The following FHIP2A variants were observed in gnomAD, a reference collection of about 807,000 sequenced individuals.
The protein encoded by FHIP2A is family with sequence similarity 160 member B1.
A neutral mutation model predicts 93.5 loss-of-function variants in FHIP2A; 46 were observed. The ratio of observed to expected loss-of-function variants is 0.49; its 90% CI spans 0.39 to 0.63. The LOEUF (loss-of-function observed/expected upper bound fraction) is 0.63. FHIP2A is among the 20% of genes least tolerant of loss of function. FHIP2A has a pLI of 0.00. For synonymous variants in FHIP2A, 332 were observed against 326.5 expected (o/e 1.02, Z -0.18); for missense variants, 769 against 909.7 (o/e 0.85, Z 1.99).
chr10:114,847,542 G>A (rs2083709064), intron 12 of FHIP2A, among the ~76,000 whole-genome samples: 1 of 152,100 alleles, frequency 6.6e-6, no homozygotes, highest in African/African-American at 2.4e-5. Context: ...GCCCGCCTCG[G>A]CCTCCCAAAG....
In FHIP2A at chr10:114,860,666, T is replaced by TA. The variant is rs1039573696; in HGVS notation, c.1948-79dup. ...TGGGCCTGGCCAGATTCTCCTTTCTTAAAAGAACAAATTGAAATAGTAAAT... is the reference window on the plus strand; with the variant it reads ...TGGGCCTGGCCAGATTCTCCTTTCTTAAAAAGAACAAATTGAAATAGTAAAT... On this transcript the variant is annotated intron_variant, in intron 14 of 16. Transcript: ENST00000369248. 28 of 1,212,604 alleles carry TA rather than the reference T, an allele frequency of 2.3e-5. No homozygotes were observed. In the African/African-American group the frequency reaches 3.9e-4, roughly 17 times the overall value. 75.1% of individuals were successfully genotyped at this position (1,212,604 alleles called of 1,614,324 possible).
intron 16 of FHIP2A, among the ~76,000 whole-genome samples, chr10:114,875,036 T>A (rs1319419068): frequency 2.6e-5 from 4 of 152,234 alleles, no homozygotes; most frequent in African/African-American, 9.6e-5. Flanking sequence ...CAGCTGTATC[T>A]TGAAAGCTTT....
downstream of FHIP2A, among the ~76,000 whole-genome samples, chr10:114,868,862 G>T (rs2083843747): frequency 6.6e-6 from 1 of 152,158 alleles, no homozygotes; most frequent in South Asian, 2.1e-4. Flanking sequence ...TCAGTTTAGA[G>T]GATCCAAACA....
At chr10:114,875,618 C>T (rs4277024) in intron 16 of FHIP2A, among the ~76,000 whole-genome samples, 14,511 of 151,936 alleles carry the variant, frequency 0.096, 869 homozygotes, top group East Asian at 0.21. Context: ...ATGGTGTGAA[C>T]CCAGGAGCGG....
chr10:114,832,294 A>G (rs542689435), intron 2 of FHIP2A, among the ~76,000 whole-genome samples: 1 of 152,286 alleles, frequency 6.6e-6, no homozygotes, highest in Non-Finnish European at 1.5e-5. Context: ...CAACTTTGAA[A>G]AACAGATTTT....
In FHIP2A at chr10:114,899,246, G is replaced by A. The variant is rs141071625; in HGVS notation, c.2193-244G>A. ...TGTTGCATAGCAATACATTATGGAT[G>A]CAAGTATAACTGAAACACTAACTGA... is the stretch of plus-strand genomic sequence containing the variant. On this transcript the variant is annotated intron_variant, in intron 16 of 16. Coordinates refer to the FHIP2A transcript ENST00000369250. Among the ~76,000 whole-genome samples, 48 of 152,328 alleles carry A rather than the reference G, an allele frequency of 3.2e-4. No homozygotes were observed. The East Asian group carries it at 9.1e-3, about 29-fold the overall frequency.
intron 14 of FHIP2A, among the ~76,000 whole-genome samples, chr10:114,856,541 A>C (rs2083768248): frequency 6.6e-6 from 1 of 152,212 alleles, no homozygotes; most frequent in Non-Finnish European, 1.5e-5. Context: ...GATTAAGCTA[A>C]CAAGCAAGAG....
intron 1 of FHIP2A, 80 bp downstream of exon 1, chr10:114,822,203 GGGCGGCCTTGGCCCGGCCCTC>G (rs1185547918): frequency 2.5e-5 from 23 of 933,770 alleles, no homozygotes; most frequent in Admixed American, 4.9e-5. Flanking sequence ...GGGACAAGCC[GGGCGGCCTTGGCCCGGCCCTC>G]GGCGGCCCTG....
rs190391596 is a variant in FHIP2A at position 114,888,544 on chromosome 10, G to A, written c.2193-10946G>A. Among the ~76,000 whole-genome samples the A allele has an allele frequency of 3.9e-5, 6 of 152,280 alleles. No individual in the cohort carries two copies. In the East Asian group the frequency reaches 5.8e-4, roughly 15 times the overall value. ...TAAGATACCGTTCAAGGTAGAGAGC[G>A]GTGAAGAAGCTTAAGTAAGCACCTC... On this transcript the variant is annotated intron_variant, in intron 16 of 16. Coordinates refer to the FHIP2A transcript ENST00000369250.
intron 2 of FHIP2A, 146 bp from the exon 3 acceptor site, chr10:114,833,087 A>G: frequency 1.6e-6 from 1 of 612,538 alleles, no homozygotes; most frequent in Non-Finnish European, 2.8e-6. Context: ...AGCAGAGATA[A>G]TCATACTGTG....
intron 14 of FHIP2A, among the ~76,000 whole-genome samples, chr10:114,857,895 A>G (rs1390451434): frequency 2.4e-4 from 36 of 152,224 alleles, no homozygotes; most frequent in Admixed American, 2.4e-3. Context: ...ACTAAAGCCC[A>G]TAGCAGAATG....
chr10:114,844,134 G>A (rs1037422574), intron 7 of FHIP2A, among the ~76,000 whole-genome samples, 197 bp downstream of exon 7: 26 of 152,194 alleles, frequency 1.7e-4, no homozygotes, highest in African/African-American at 6.3e-4. Context: ...CTGTTACATA[G>A]TTAAGATATT....
intron 8 of FHIP2A, among the ~76,000 whole-genome samples, chr10:114,845,783 T>G (rs1375761249): frequency 1.3e-5 from 2 of 152,190 alleles, no homozygotes; most frequent in Non-Finnish European, 2.9e-5. Context: ...ATATGGACAT[T>G]GGAATAATTT....
intron 5 of FHIP2A, among the ~76,000 whole-genome samples, chr10:114,839,363 G>T (rs11196944): frequency 0.41 from 62,047 of 151,738 alleles, 13,279 homozygotes; most frequent in Non-Finnish European, 0.48. Context: ...CCAACCTCAG[G>T]TGATCCACCC....
chr10:114,837,675 C>T (rs1440520015), intron 5 of FHIP2A, among the ~76,000 whole-genome samples: 1 of 152,202 alleles, frequency 6.6e-6, no homozygotes, highest in Non-Finnish European at 1.5e-5. Context: ...CTCTGTCACA[C>T]TACCCCATGA....
intron 16 of FHIP2A, among the ~76,000 whole-genome samples, chr10:114,876,090 G>A (rs553408290): frequency 1.3e-4 from 20 of 152,120 alleles, no homozygotes; most frequent in Admixed American, 7.9e-4. Context: ...AGAGACCCGG[G>A]GCCCCCACCC....
intron 16 of FHIP2A, among the ~76,000 whole-genome samples, chr10:114,874,696 G>T (rs575766597): frequency 6.6e-6 from 1 of 152,032 alleles, no homozygotes. Context: ...TAGAAATGGG[G>T]TTTCACCATG....
intron 4 of FHIP2A, 140 bp from the exon 5 acceptor site, chr10:114,835,984 A>G (rs1455286895): frequency 1.1e-5 from 6 of 539,220 alleles, no homozygotes; most frequent in Non-Finnish European, 1.5e-5. Flanking sequence ...ATAATTATAA[A>G]TATCATTAGT....
Position 114,830,947 on chromosome 10 carries a change from A to T in FHIP2A, c.124+17A>T. On this transcript the variant is annotated intron_variant, in intron 2 of 16. Transcript: ENST00000369248. Reference sequence around the variant, plus strand: ...AGACTTCAGGTAAGGAACAATGCTGATATTAACTGAAAATTTGTGAAAGTT... The same window carrying T: ...AGACTTCAGGTAAGGAACAATGCTGTTATTAACTGAAAATTTGTGAAAGTT... 1 of 1,430,830 alleles carries T rather than the reference A, an allele frequency of 7.0e-7. No individual in the cohort carries two copies. 88.6% of individuals were successfully genotyped at this position (1,430,830 alleles called of 1,614,324 possible).
Sources: gnomAD v4.1 joint callset for allele counts (sites outside exome capture counted in the v4.1 genomes callset) on GRCh38, gnomAD v4.1.1 for gene constraint, MANE v1.5 for transcripts, NCBI Gene and HGNC (gene_info 2026-07-23, HGNC 2026-07-21) for gene names.